Variants in ATP2B1 observed in about 807,000 individuals in gnomAD.
The protein encoded by ATP2B1 is ATPase plasma membrane Ca2+ transporting 1.
A neutral mutation model predicts 124.2 loss-of-function variants in ATP2B1; 14 were observed. The ratio of observed to expected loss-of-function variants is 0.11; its 90% CI spans 0.07 to 0.18. The LOEUF (loss-of-function observed/expected upper bound fraction) is 0.18. ATP2B1 is among the 10% of genes least tolerant of loss of function. ATP2B1 has a pLI of 1.00. For missense variants in ATP2B1, 763 were observed against 1,466.1 expected (o/e 0.52, Z 7.83); for synonymous variants, 449 against 492.4 (o/e 0.91, Z 1.17).
intron 3 of ATP2B1, 34 bp from the exon 4 acceptor site, chr12:89,635,285 G>T (rs372055270): frequency 2.1e-5 from 33 of 1,594,598 alleles, no homozygotes; most frequent in African/African-American, 1.2e-4. Context: ...TTATCAAAAA[G>T]ATTCTGAATT....
chr12:89,694,826 G>A (rs945601164), intron 1 of ATP2B1, among the ~76,000 whole-genome samples: 13 of 152,130 alleles, frequency 8.5e-5, no homozygotes, highest in African/African-American at 2.7e-4. Context: ...TGAGGCCGAG[G>A]AAGGGGAATT....
At chr12:89,688,066 C>G (rs1415865604) in intron 1 of ATP2B1, among the ~76,000 whole-genome samples, 1 of 152,024 alleles carries the variant, frequency 6.6e-6, no homozygotes, top group African/African-American at 2.4e-5. Flanking sequence ...AAATCCAGAG[C>G]TCCTATGTAA....
upstream of ATP2B1, chr12:89,709,324 G>GCGCCGCCGC (rs567439149): frequency 6.6e-6 from 1 of 152,002 alleles, no homozygotes; most frequent in South Asian, 1.9e-4. Flanking sequence ...GCCGAAGCTC[G>GCGCCGCCGC]CGCCGCCGCC....
At chr12:89,706,835 G>A (rs1178844839) in intron 1 of ATP2B1, among the ~76,000 whole-genome samples, 10 of 152,082 alleles carry the variant, frequency 6.6e-5, no homozygotes, top group Admixed American at 6.5e-4. Flanking sequence ...CTATATGGTA[G>A]GAAATTAACA....
At chr12:89,637,084 T>G (rs774233676) in intron 3 of ATP2B1, among the ~76,000 whole-genome samples, 18 of 152,304 alleles carry the variant, frequency 1.2e-4, no homozygotes, top group Admixed American at 6.5e-4. Flanking sequence ...ACAGCTAACA[T>G]ATTATCCAAG....
At chr12:89,645,737 G>C (rs559516077) in intron 2 of ATP2B1, among the ~76,000 whole-genome samples, 2 of 152,128 alleles carry the variant, frequency 1.3e-5, no homozygotes, top group Non-Finnish European at 2.9e-5. Context: ...AAGAAGAGAG[G>C]GTCAAAATGG....
At position 89,630,623 on chromosome 12, in the gene ATP2B1, A is replaced by G. The variant is rs1310438792; in HGVS notation, c.810T>C (p.Ser270=). ...CTACAGCTGTAACTACCATTCTTCC[A>G]GAGCCTTCCATTACATGAGTACCTA... ...LLSGTHVMEG[S]GRMVVTAVGV... is the part of the protein sequence containing the mutation. Residue 270 remains serine (S), a synonymous_variant, in exon 6 of 21, where the codon TCT becomes TCC. Coordinates refer to ENST00000428670, the MANE Select transcript of ATP2B1 (RefSeq NM_001366521.1). 2 of 1,588,570 alleles carry G rather than the reference A, an allele frequency of 1.3e-6. No homozygotes were observed. Among genetic ancestry groups the G allele is most frequent in the African/African-American group, 1.4e-5 (1 of 73,726 alleles).
At chr12:89,709,170 G>A (rs867361684), upstream of ATP2B1, 57 of 151,352 alleles carry the variant, frequency 3.8e-4, no homozygotes, top group South Asian at 1.0e-3. Context: ...CGTCTGCACC[G>A]GGTGGCCTGC....
intron 1 of ATP2B1, among the ~76,000 whole-genome samples, chr12:89,664,858 T>A (rs1363137062): frequency 2.0e-5 from 3 of 151,974 alleles, no homozygotes; most frequent in Non-Finnish European, 4.4e-5. Flanking sequence ...ATTCTTTTTT[T>A]TTTTTTTTGA....
intron 2 of ATP2B1, among the ~76,000 whole-genome samples, chr12:89,653,836 A>G (rs563029929): frequency 6.6e-6 from 1 of 152,328 alleles, no homozygotes; most frequent in South Asian, 2.1e-4. Flanking sequence ...TAAAAATGAG[A>G]AGCCATTCTC....
intron 9 of ATP2B1, among the ~76,000 whole-genome samples, chr12:89,623,567 TAAAG>T (rs1409384782): frequency 6.6e-6 from 1 of 152,086 alleles, no homozygotes; most frequent in Admixed American, 6.5e-5. Flanking sequence ...GAGACCTGAA[TAAAG>T]AAAGAGAGCA....
At chr12:89,695,058 C>CAAAAAAAAAAAAAA (rs544087541) in intron 1 of ATP2B1, among the ~76,000 whole-genome samples, 3 of 111,204 alleles carry the variant, frequency 2.7e-5, no homozygotes, top group Non-Finnish European at 5.6e-5. Flanking sequence ...GATGCTGTTT[C>CAAAAAAAAAAAAAA]AAAAAAAAAA....
chr12:89,681,794 C>T (rs1378357201), intron 1 of ATP2B1, among the ~76,000 whole-genome samples: 1 of 151,952 alleles, frequency 6.6e-6, no homozygotes, highest in Non-Finnish European at 1.5e-5. Context: ...TTATATCCAC[C>T]TCAGTTCTAA....
chr12:89,594,363 A>ACT (rs1423217898), intron 20 of ATP2B1: 2 of 152,002 alleles, frequency 1.3e-5, no homozygotes, highest in Non-Finnish European at 2.9e-5. Context: ...GTAGGAAGGA[A>ACT]ACTATATTAA....
chr12:89,630,978 C>T (rs961864693), intron 5 of ATP2B1, among the ~76,000 whole-genome samples: 3 of 151,836 alleles, frequency 2.0e-5, no homozygotes, highest in Admixed American at 6.6e-5. Flanking sequence ...CACTATATTG[C>T]TCAGGCTGGT....
chr12:89,643,284 G>C (rs1883938287), intron 2 of ATP2B1, among the ~76,000 whole-genome samples: 1 of 151,420 alleles, frequency 6.6e-6, no homozygotes, highest in African/African-American at 2.4e-5. Flanking sequence ...ATTTGGTTCA[G>C]TTATATAGAT....
At chr12:89,680,389 A>C (rs1023027090) in intron 1 of ATP2B1, among the ~76,000 whole-genome samples, 6 of 152,226 alleles carry the variant, frequency 3.9e-5, no homozygotes, top group African/African-American at 1.4e-4. Flanking sequence ...TCCAGGAAGA[A>C]ATACAATGAC....
At chr12:89,621,306 T>C (rs1189703066) in intron 10 of ATP2B1, among the ~76,000 whole-genome samples, 1 of 152,108 alleles carries the variant, frequency 6.6e-6, no homozygotes, top group Admixed American at 6.5e-5. Flanking sequence ...GTTATAAGGC[T>C]GGAGAGTTTC....
chr12:89,647,734 A>G (rs1884685544), intron 2 of ATP2B1, among the ~76,000 whole-genome samples: 1 of 152,206 alleles, frequency 6.6e-6, no homozygotes, highest in African/African-American at 2.4e-5. Flanking sequence ...TCACGTTGAA[A>G]TGTGATTACA....
Sources: gnomAD v4.1 joint callset for allele counts (sites outside exome capture counted in the v4.1 genomes callset) on GRCh38, gnomAD v4.1.1 for gene constraint, MANE v1.5 for transcripts, NCBI Gene and HGNC (gene_info 2026-07-23, HGNC 2026-07-21) for gene names.